The following KPNB1 variants were observed in gnomAD, a reference collection of about 807,000 sequenced individuals.
KPNB1 encodes importin subunit beta-1.
Under a neutral mutation model 113.0 loss-of-function variants are expected in KPNB1, and 7 were observed. The observed-to-expected ratio is 0.06, with a 90% CI of 0.04 to 0.12. The LOEUF (loss-of-function observed/expected upper bound fraction) is 0.12, where lower values mean the gene tolerates loss of function less well. Ranked by LOEUF, KPNB1 falls within the 10% of genes least tolerant of loss-of-function variation. The pLI, the probability that KPNB1 is intolerant of heterozygous loss-of-function variation, is 1.00. For missense variants in KPNB1, 400 were observed against 1,054.8 expected (o/e 0.38, Z 8.60); for synonymous variants, 363 against 378.6 (o/e 0.96, Z 0.48).
chr17:47,673,892 T>G (rs2030522207), intron 14 of KPNB1: 1 of 244,188 alleles, frequency 4.1e-6, no homozygotes, highest in South Asian at 8.3e-5. Flanking sequence ...TGTCACTGTG[T>G]AGAGAAGGAA....
chr17:47,676,489 C>A lies in KPNB1; in HGVS notation c.1993C>A (p.Gln665Lys). ...TGGATTAAAAAATTATGCTGAATAC[C>A]AGGTAGGATGTGCTTTTCAAAATAG... ...GIGLKNYAEY[Q>K]VCLAAVGLVG... is the part of the protein sequence containing the mutation. Residue 665 changes from glutamine to lysine, a missense_variant and splice_region_variant, in exon 16 of 22, where the codon CAG (glutamine) becomes AAG (lysine). Transcript: ENST00000290158. 1 of 1,607,414 alleles carries A rather than the reference C, an allele frequency of 6.2e-7. No homozygotes were observed. Among genetic ancestry groups the A allele is most frequent in the Non-Finnish European group, 8.5e-7 (1 of 1,173,960 alleles).
rs1234206145 is a variant in KPNB1, at chr17:47,682,724, A to G, written c.*320A>G. ...TTATCTCTTCCCAGGAGAGGCTAGAAGTAGCTTTTCTGTCTTTTGGCCAGT... is the reference window on the plus strand; with the variant it reads ...TTATCTCTTCCCAGGAGAGGCTAGAGGTAGCTTTTCTGTCTTTTGGCCAGT... On this transcript the variant is annotated 3_prime_UTR_variant, in exon 22 of 22. Coordinates refer to ENST00000290158, the MANE Select transcript of KPNB1 (RefSeq NM_002265.6). 8.2e-6 allele frequency: 3 copies of G among 367,340 alleles called. No homozygotes were observed. The highest frequency in any genetic ancestry group is 4.4e-5 in the Admixed American group (1 of 22,846). 22.8% of individuals were successfully genotyped at this position (367,340 alleles called of 1,614,324 possible). A position where few individuals can be genotyped will look rare whatever the true frequency, so the allele number is the denominator to read the frequency against.
intron 19 of KPNB1, among the ~76,000 whole-genome samples, chr17:47,679,371 A>G (rs948524763): frequency 6.6e-6 from 1 of 152,140 alleles, no homozygotes; most frequent in Admixed American, 6.5e-5. Context: ...CACAAGCTAA[A>G]TTGGAGGACT....
chr17:47,653,117 T>G lies in KPNB1; in HGVS notation c.282+241T>G, dbSNP rs1005303750. Among the ~76,000 whole-genome samples, 15 of 152,282 alleles carry G rather than the reference T, an allele frequency of 9.9e-5. 1 individual carries two copies. Among genetic ancestry groups the G allele is most frequent in the African/African-American group, 3.6e-4 (15 of 41,546 alleles). On this transcript the variant is annotated intron_variant, in intron 3 of 21. Transcript: ENST00000290158. ...TAGGCTGCAGCAGTTTGGGAAACTT[T>G]AATTACGTGCCATAATTGGTAAAAT...
chr17:47,666,286 C>G (rs1197361448), intron 9 of KPNB1, among the ~76,000 whole-genome samples: 3 of 150,964 alleles, frequency 2.0e-5, no homozygotes, highest in Non-Finnish European at 4.5e-5. Context: ...CTCCTGACTT[C>G]AAGTGATCCG....
At chr17:47,676,313 G>GC (rs2030613484) in intron 15 of KPNB1, 96 bp from the exon 16 acceptor site, 1 of 853,880 alleles carries the variant, frequency 1.2e-6, no homozygotes, top group East Asian at 2.5e-5. Flanking sequence ...GTTGAGTGGA[G>GC]CGAGTACATT....
At chr17:47,652,252 A>G (rs1479699465) in intron 2 of KPNB1, among the ~76,000 whole-genome samples, 1 of 152,196 alleles carries the variant, frequency 6.6e-6, no homozygotes, top group East Asian at 1.9e-4. Context: ...AAATTTAGAT[A>G]AACAGTTTTA....
chr17:47,676,123 T>A (rs1361145565), intron 15 of KPNB1, among the ~76,000 whole-genome samples: 1 of 152,166 alleles, frequency 6.6e-6, no homozygotes, highest in African/African-American at 2.4e-5. Flanking sequence ...AACCTTGACA[T>A]TCCTTGAGGG....
Position 47,683,595 on chromosome 17 carries a change from A to T in KPNB1, c.*1191A>T, listed in dbSNP as rs377171949. The T allele has an allele frequency of 6.6e-6, 1 of 151,030 alleles. No homozygotes were observed. Among genetic ancestry groups the T allele is most frequent in the Non-Finnish European group, 1.5e-5 (1 of 67,586 alleles). 9.4% of individuals were successfully genotyped at this position (151,030 alleles called of 1,614,324 possible). A position where few individuals can be genotyped will look rare whatever the true frequency, so the allele number is the denominator to read the frequency against. On this transcript the variant is annotated 3_prime_UTR_variant, in exon 22 of 22. Transcript: ENST00000290158. ...CTATTTTGGATTGCAAACAGGATAA[A>T]TTAAATGTTCAAACAATCTGATAAA...
rs1301182311 is a variant in KPNB1, at chr17:47,664,159, A to C, written c.787A>C (p.Ile263Leu). ...GGCCTGGGGTGTTTTTCTTCTTAAG[A>C]TCACAATCGAAGCAATGAAAAGTGA... Reference protein sequence around the residue: ...ETYMGPALFAITIEAMKSDID... With the variant: ...ETYMGPALFALTIEAMKSDID... The change falls in exon 8 of 22, where the codon ATC (isoleucine) becomes CTC (leucine). Residue 263 changes from isoleucine (I) to leucine (L), a missense_variant and splice_region_variant. This residue lies in a region of KPNB1 where 285 missense variants were observed against 627.0 expected (regional missense o/e 0.45). Transcript: ENST00000290158. 1 of 1,608,290 alleles carries C rather than the reference A, an allele frequency of 6.2e-7. No homozygotes were observed. The highest frequency in any genetic ancestry group is 1.7e-5 in the Admixed American group (1 of 59,992).
chr17:47,654,244 G>C (rs1915657245), intron 3 of KPNB1, among the ~76,000 whole-genome samples: 1 of 152,002 alleles, frequency 6.6e-6, no homozygotes, highest in Non-Finnish European at 1.5e-5. Context: ...GCGAAACCCT[G>C]TCTCTACTAA....
At chr17:47,682,137 A>G in intron 21 of KPNB1, among the ~76,000 whole-genome samples, 1 of 152,338 alleles carries the variant, frequency 6.6e-6, no homozygotes, top group South Asian at 2.1e-4. Flanking sequence ...ACTGAAATAC[A>G]GTTTTAATTT....
In KPNB1 at chr17:47,673,147, A is replaced by G; in HGVS notation, c.1677A>G (p.Gln559=). 1.9e-6 allele frequency: 3 copies of G among 1,614,190 alleles called. No individual in the cohort carries two copies. The highest frequency in any genetic ancestry group is 2.2e-5 in the South Asian group (2 of 91,082). ...CTTTGGTCATCATGGAACGACTGCA[A>G]CAGGTTCTTCAGATGGAGGTGAGAC... ...KTTLVIMERL[Q]QVLQMESHIQ... is the part of the protein sequence containing the mutation. The change falls in exon 13 of 22, where the codon CAA becomes CAG. Residue 559 remains glutamine (Q), a synonymous_variant. Coordinates refer to ENST00000290158, the MANE Select transcript of KPNB1 (RefSeq NM_002265.6).
intron 3 of KPNB1, among the ~76,000 whole-genome samples, chr17:47,654,618 G>A (rs997837480): frequency 1.3e-5 from 2 of 151,944 alleles, no homozygotes; most frequent in Admixed American, 1.3e-4. Flanking sequence ...TCTGATAATT[G>A]AATATTACTA....
At chr17:47,656,578 GC>G (rs1049840023) in intron 3 of KPNB1, among the ~76,000 whole-genome samples, 40 of 148,984 alleles carry the variant, frequency 2.7e-4, no homozygotes, top group African/African-American at 9.9e-4. Context: ...ATATGGTGAT[GC>G]CCTGTCTCAA....
At chr17:47,665,793 G>GT (rs1443890892) in intron 9 of KPNB1, among the ~76,000 whole-genome samples, 1 of 152,174 alleles carries the variant, frequency 6.6e-6, no homozygotes, top group Non-Finnish European at 1.5e-5. Context: ...GCAACACAGT[G>GT]TTTTTTGATA....
intron 19 of KPNB1, among the ~76,000 whole-genome samples, chr17:47,678,834 C>T (rs1330357737): frequency 6.6e-6 from 1 of 152,194 alleles, no homozygotes; most frequent in African/African-American, 2.4e-5. Flanking sequence ...TCTTGAACTC[C>T]TGATCTCAAT....
rs1235721172 is a variant in KPNB1 at position 47,650,043 on chromosome 17, G to C, written c.-202G>C. 1.0e-5 allele frequency: 14 copies of C among 1,361,982 alleles called. No homozygotes were observed. The highest frequency in any genetic ancestry group is 5.4e-4 in the Middle Eastern group (2 of 3,712). The allele number at this position is 1,361,982 out of a possible 1,614,324, so 84.4% of individuals were successfully genotyped here. On this transcript the variant is annotated 5_prime_UTR_variant, in exon 1 of 22. Coordinates refer to ENST00000290158, the MANE Select transcript of KPNB1 (RefSeq NM_002265.6). ...CCCCGCCGCCAGCAGCCCATTTGGA[G>C]GGAGGAAGTAAGGGAAGAGGAGAGG...
chr17:47,660,466 A>G (rs761720343), intron 5 of KPNB1, among the ~76,000 whole-genome samples: 1 of 152,188 alleles, frequency 6.6e-6, no homozygotes, highest in Non-Finnish European at 1.5e-5. Context: ...CTTTAGGGTA[A>G]ATACCGACAA....
Sources: allele counts gnomAD v4.1 joint callset (sites outside exome capture counted in the v4.1 genomes callset), GRCh38; gene constraint gnomAD v4.1.1; regional missense constraint gnomAD v4.1.1; transcripts MANE v1.5; gene names NCBI Gene and HGNC (gene_info 2026-07-23, HGNC 2026-07-21).